The following TACR3 variants were observed in gnomAD, a reference collection of about 807,000 sequenced individuals.
TACR3 encodes the protein tachykinin receptor 3.
A neutral mutation model predicts 35.0 loss-of-function variants in TACR3; 34 were observed. That is an observed-to-expected ratio of 0.97 (90% confidence interval 0.74 to 1.30). The LOEUF is 1.30. TACR3 is among the 50% of genes most tolerant of loss of function. The pLI, the probability that TACR3 is intolerant of heterozygous loss-of-function variation, is 0.00. For synonymous variants in TACR3, 233 were observed against 221.1 expected (o/e 1.05, Z -0.48); for missense variants, 558 against 591.7 (o/e 0.94, Z 0.59).
chr4:103,643,185 A>C (rs1725392445), intron 3 of TACR3, among the ~76,000 whole-genome samples: 1 of 151,904 alleles, frequency 6.6e-6, no homozygotes, highest in African/African-American at 2.4e-5. Context: ...CATAACTAGA[A>C]TAAAATAAAA....
At chr4:103,668,309 A>G (rs1725976522) in intron 1 of TACR3, among the ~76,000 whole-genome samples, 1 of 152,170 alleles carries the variant, frequency 6.6e-6, no homozygotes, top group South Asian at 2.1e-4. Context: ...GTGCAATAGC[A>G]TTATGTCTAA....
chr4:103,688,474 G>T (rs1429385277), intron 1 of TACR3, among the ~76,000 whole-genome samples: 3 of 150,604 alleles, frequency 2.0e-5, no homozygotes, highest in Non-Finnish European at 3.0e-5. Flanking sequence ...CCACAAAATG[G>T]GAGAAAATTT....
intron 1 of TACR3, among the ~76,000 whole-genome samples, chr4:103,711,586 G>C (rs1445541607): frequency 6.6e-6 from 1 of 152,126 alleles, no homozygotes; most frequent in Non-Finnish European, 1.5e-5. Flanking sequence ...ACTGGCACAA[G>C]ACAGGGATGC....
intron 1 of TACR3, among the ~76,000 whole-genome samples, chr4:103,707,707 G>A (rs557244605): frequency 7.2e-5 from 11 of 152,086 alleles, no homozygotes; most frequent in Non-Finnish European, 1.3e-4. Context: ...GTGAGGCATC[G>A]CCTCACCTGG....
In TACR3 at chr4:103,608,710, G is replaced by C. The variant is rs373900374; in HGVS notation, c.889-17027C>G. Reference sequence around the variant, plus strand: ...TATAGGTCGCCAAGTACAACCGAAGGCTTATGCTTTCTAACAGAGTATGAG... The same window carrying C: ...TATAGGTCGCCAAGTACAACCGAAGCCTTATGCTTTCTAACAGAGTATGAG... On this transcript the variant is annotated intron_variant, in intron 3 of 4. Coordinates refer to ENST00000304883, the MANE Select transcript of TACR3 (RefSeq NM_001059.3). Among the ~76,000 whole-genome samples the C allele has an allele frequency of 5.9e-5, 9 of 152,182 alleles. No homozygotes were observed. The East Asian group carries it at 9.6e-4, about 16-fold the overall frequency.
intron 1 of TACR3, among the ~76,000 whole-genome samples, chr4:103,714,439 T>C (rs1723039668): frequency 1.3e-5 from 2 of 152,160 alleles, no homozygotes; most frequent in Admixed American, 6.6e-5. Flanking sequence ...AGCAGTAATT[T>C]TAGTGGATGC....
intron 2 of TACR3, among the ~76,000 whole-genome samples, chr4:103,657,602 A>T (rs1456304830): frequency 1.3e-5 from 2 of 152,056 alleles, no homozygotes. Context: ...AAAATTTAAG[A>T]TTATAATTTA....
chr4:103,669,547 A>G (rs7667662), intron 1 of TACR3, among the ~76,000 whole-genome samples: 51,608 of 151,954 alleles, frequency 0.34, 13,800 homozygotes, highest in African/African-American at 0.74. Flanking sequence ...TAACTGAGGT[A>G]ACATGATATC....
Position 103,589,492 on chromosome 4 carries a change from G to T in TACR3, c.*190C>A. ...TAAATTTAAAGCCCATTTTATTTTG[G>T]GTGGAGGCTAACATGTTATTAGTGT... On this transcript the variant is annotated 3_prime_UTR_variant, in exon 5 of 5. Coordinates refer to ENST00000304883, the MANE Select transcript of TACR3 (RefSeq NM_001059.3). 1 of 585,914 alleles carries T rather than the reference G, an allele frequency of 1.7e-6. No homozygotes were observed. The highest frequency in any genetic ancestry group is 3.0e-6 in the Non-Finnish European group (1 of 338,590). 36.3% of individuals were successfully genotyped at this position (585,914 alleles called of 1,614,324 possible).
At chr4:103,599,185 G>C (rs901976454) in intron 3 of TACR3, among the ~76,000 whole-genome samples, 1 of 152,074 alleles carries the variant, frequency 6.6e-6, no homozygotes, top group Non-Finnish European at 1.5e-5. Context: ...TTGTAAGTTG[G>C]ATTCCTAGGT....
intron 3 of TACR3, among the ~76,000 whole-genome samples, chr4:103,636,311 A>AT (rs1416893234): frequency 6.6e-6 from 1 of 151,916 alleles, no homozygotes; most frequent in African/African-American, 2.4e-5. Flanking sequence ...CAAAACACAG[A>AT]TTTTACCTCA....
chr4:103,599,582 G>T (rs879999266), intron 3 of TACR3, among the ~76,000 whole-genome samples: 4 of 152,118 alleles, frequency 2.6e-5, no homozygotes, highest in African/African-American at 9.7e-5. Flanking sequence ...TATGATATTG[G>T]CTGTGGGTTT....
rs374099156 is a variant in TACR3 at position 103,650,822 on chromosome 4, TA to T, written c.888+5371del. ...ATTTTATATATAATAATATATTATA[TA>T]ATAATATATATATCTTATATATAAT... is the stretch of plus-strand genomic sequence containing the variant. On this transcript the variant is annotated intron_variant, in intron 3 of 4. Coordinates refer to ENST00000304883, the MANE Select transcript of TACR3 (RefSeq NM_001059.3). Among the ~76,000 whole-genome samples the T allele has an allele frequency of 8.0e-4, 25 of 31,132 alleles. 8 individuals are homozygous for T. The highest frequency in any genetic ancestry group is 9.8e-4 in the African/African-American group (3 of 3,068). 20.4% of individuals were successfully genotyped at this position (31,132 alleles called of 152,430 possible).
chr4:103,644,434 G>A (rs1175676258), intron 3 of TACR3, among the ~76,000 whole-genome samples: 2 of 151,730 alleles, frequency 1.3e-5, no homozygotes, highest in Admixed American at 6.6e-5. Context: ...TACATTTTCA[G>A]CATACACTGC....
intron 3 of TACR3, 119 bp from the exon 4 acceptor site, chr4:103,591,802 C>G: frequency 1.0e-6 from 1 of 988,986 alleles, no homozygotes; most frequent in Non-Finnish European, 1.5e-6. Flanking sequence ...AGGGAATAGT[C>G]AATATATTAA....
intron 3 of TACR3, among the ~76,000 whole-genome samples, chr4:103,634,136 C>CTGTT (rs1338932589): frequency 9.9e-5 from 15 of 152,106 alleles, no homozygotes; most frequent in Admixed American, 4.6e-4. Flanking sequence ...ACTGCATGAA[C>CTGTT]TGTTAGTCAT....
At chr4:103,714,930 T>C (rs1019832943) in intron 1 of TACR3, among the ~76,000 whole-genome samples, 10 of 152,156 alleles carry the variant, frequency 6.6e-5, no homozygotes, top group African/African-American at 2.4e-4. Flanking sequence ...GTACTTTGCA[T>C]AAATTAGGTT....
intron 3 of TACR3, among the ~76,000 whole-genome samples, chr4:103,651,211 G>A (rs1284803214): frequency 6.6e-6 from 1 of 150,648 alleles, no homozygotes; most frequent in Non-Finnish European, 1.5e-5. Context: ...TGGGTCCAGA[G>A]GTGCTGTCTG....
rs918061656 is a variant in TACR3, at chr4:103,586,184, C to T, written c.*3498G>A. ...CTTTATTCACTACAAACTTTATATACATTTACTTCTTATATAAACAGATTT... is the reference window on the plus strand; with the variant it reads ...CTTTATTCACTACAAACTTTATATATATTTACTTCTTATATAAACAGATTT... On this transcript the variant is annotated 3_prime_UTR_variant, in exon 5 of 5. Coordinates refer to ENST00000304883, the MANE Select transcript of TACR3 (RefSeq NM_001059.3). 1 of 151,700 alleles carries T rather than the reference C, an allele frequency of 6.6e-6. No homozygotes were observed. The highest frequency in any genetic ancestry group is 1.5e-5 in the Non-Finnish European group (1 of 67,942). 9.4% of individuals were successfully genotyped at this position (151,700 alleles called of 1,614,324 possible).
Sources: gnomAD v4.1 joint callset for allele counts (sites outside exome capture counted in the v4.1 genomes callset) on GRCh38, gnomAD v4.1.1 for gene constraint, MANE v1.5 for transcripts, NCBI Gene and HGNC (gene_info 2026-07-23, HGNC 2026-07-21) for gene names.